NLGN4X: variants seen among roughly 807,000 people sequenced by gnomAD.
NLGN4X encodes neuroligin-4, X-linked.
A neutral mutation model predicts 40.3 loss-of-function variants in NLGN4X; 3 were observed. The ratio of observed to expected loss-of-function variants is 0.07; its 90% CI spans 0.03 to 0.19. NLGN4X has a LOEUF of 0.19. NLGN4X is among the 10% of genes least tolerant of loss of function. NLGN4X has a pLI of 1.00. For synonymous variants in NLGN4X, 270 were observed against 306.8 expected, an observed-to-expected ratio of 0.88 and a Z score of 1.25; for missense variants, 382 against 708.3, an observed-to-expected ratio of 0.54 and a Z score of 5.23.
At chrX:6,222,669 C>A (rs1160253931) in intron 1 of NLGN4X, among the ~76,000 whole-genome samples, 2 of 112,564 alleles carry the variant, frequency 1.8e-5, no homozygotes, top group Non-Finnish European at 3.8e-5. Flanking sequence ...AATAAAACCT[C>A]ATGATATGGT....
chrX:5,912,281 C>T (rs188810402), intron 3 of NLGN4X, among the ~76,000 whole-genome samples: 2 of 111,112 alleles, frequency 1.8e-5, no homozygotes, highest in East Asian at 2.9e-4. Context: ...CTCTGTGTCC[C>T]CACATAGAGG....
chrX:6,065,791 C>T (rs2037898419), intron 2 of NLGN4X, among the ~76,000 whole-genome samples: 1 of 111,151 alleles, frequency 9.0e-6, no homozygotes, highest in Non-Finnish European at 1.9e-5. Context: ...TTATTTGGTG[C>T]CTAAATTTTC....
intron 2 of NLGN4X, among the ~76,000 whole-genome samples, chrX:6,036,130 A>G (rs1399442994): frequency 9.0e-6 from 1 of 111,699 alleles, no homozygotes; most frequent in African/African-American, 3.3e-5. Flanking sequence ...GTTGCCTGCT[A>G]TCTTGATTAC....
chrX:6,015,914 A>T (rs1324372702), intron 3 of NLGN4X, among the ~76,000 whole-genome samples: 3 of 112,008 alleles, frequency 2.7e-5, no homozygotes, highest in Non-Finnish European at 5.6e-5. Context: ...TGTTTTCAGA[A>T]ACATGAGTAA....
At chrX:6,033,970 G>C (rs913489148) in intron 2 of NLGN4X, among the ~76,000 whole-genome samples, 1 of 112,420 alleles carries the variant, frequency 8.9e-6, no homozygotes, top group Non-Finnish European at 1.9e-5. Flanking sequence ...AAGGCAAAGG[G>C]AAAATACTGT....
chrX:5,894,216 C>A (rs1231937374), intron 5 of NLGN4X, among the ~76,000 whole-genome samples: 3 of 112,184 alleles, frequency 2.7e-5, no homozygotes, highest in Non-Finnish European at 5.6e-5. Flanking sequence ...CAAATGTTAA[C>A]AGTACTGAGG....
At chrX:6,043,829 G>A (rs2037241314) in intron 2 of NLGN4X, among the ~76,000 whole-genome samples, 1 of 111,362 alleles carries the variant, frequency 9.0e-6, no homozygotes, top group South Asian at 3.7e-4. Flanking sequence ...TCAATTAAGA[G>A]CCCTAAAATA....
chrX:6,151,091 T>C lies in NLGN4X; in HGVS notation c.376A>G (p.Ile126Val). ...GTATCCAAATTGGCGGTAAACCAGA[T>C]GGGCAGCATGTCATGCAGTAAGGAT... Reference protein sequence around the residue: ...ERSLLHDMLPIWFTANLDTLM... With the variant: ...ERSLLHDMLPVWFTANLDTLM... The change falls in exon 2 of 6, where the codon ATC becomes GTC. Residue 126 changes from isoleucine (I) to valine (V), a missense_variant. Coordinates refer to ENST00000381095, the MANE Select transcript of NLGN4X (RefSeq NM_181332.3). 1 of 1,211,545 alleles carries C rather than the reference T, an allele frequency of 8.3e-7. No homozygotes were observed. The highest frequency in any genetic ancestry group is 1.1e-6 in the Non-Finnish European group (1 of 895,346).
intron 1 of NLGN4X, among the ~76,000 whole-genome samples, chrX:6,165,236 T>C (rs370052479): frequency 7.2e-5 from 8 of 111,820 alleles, no homozygotes; most frequent in South Asian, 7.6e-4. Flanking sequence ...ATCCAGCATA[T>C]AGACAACAGG....
intron 2 of NLGN4X, among the ~76,000 whole-genome samples, chrX:6,079,064 T>C (rs1411890743): frequency 1.9e-5 from 2 of 107,281 alleles, no homozygotes; most frequent in Non-Finnish European, 3.9e-5. Flanking sequence ...TCCTGAGGCC[T>C]TCCCAGCTAT....
At chrX:5,926,942 A>T (rs1465394378) in intron 3 of NLGN4X, among the ~76,000 whole-genome samples, 1 of 95,656 alleles carries the variant, frequency 1.0e-5, no homozygotes, top group Non-Finnish European at 2.1e-5. Flanking sequence ...TCTTCTATCT[A>T]TCTATCTATC....
At chrX:5,964,376 A>G (rs1301000038) in intron 3 of NLGN4X, among the ~76,000 whole-genome samples, 1 of 112,445 alleles carries the variant, frequency 8.9e-6, no homozygotes, top group Non-Finnish European at 1.9e-5. Flanking sequence ...AGTATTCTAA[A>G]AAAAGATTAC....
chrX:6,078,877 G>T (rs1451362800), intron 2 of NLGN4X, among the ~76,000 whole-genome samples: 2 of 111,107 alleles, frequency 1.8e-5, no homozygotes, highest in African/African-American at 3.3e-5. Flanking sequence ...CTCATGGGGG[G>T]TGATTAGATC....
At chrX:5,954,330 C>G (rs139767977) in intron 3 of NLGN4X, among the ~76,000 whole-genome samples, 3,219 of 107,630 alleles carry the variant, frequency 0.03, 140 homozygotes, top group African/African-American at 0.1. Flanking sequence ...ACTCAATGAT[C>G]CTCCAGCCTC....
chrX:5,991,700 C>T (rs1193370446), intron 3 of NLGN4X, among the ~76,000 whole-genome samples: 2 of 111,913 alleles, frequency 1.8e-5, no homozygotes, highest in African/African-American at 3.2e-5. Flanking sequence ...ATTTAAACAC[C>T]ACATAGGCAG....
chrX:6,172,458 A>G (rs1329668304), intron 1 of NLGN4X, among the ~76,000 whole-genome samples: 2 of 111,746 alleles, frequency 1.8e-5, no homozygotes, highest in Non-Finnish European at 3.8e-5. Context: ...TCTCTCATTA[A>G]AGTTTTGTCC....
intron 3 of NLGN4X, among the ~76,000 whole-genome samples, chrX:5,983,168 A>AT (rs927771115): frequency 8.9e-6 from 1 of 112,099 alleles, no homozygotes; most frequent in Admixed American, 9.4e-5. Context: ...GTCTACCTTC[A>AT]TAACATCTAT....
intron 4 of NLGN4X, among the ~76,000 whole-genome samples, chrX:5,904,627 T>A (rs1343585507): frequency 8.9e-6 from 1 of 112,124 alleles, no homozygotes; most frequent in Non-Finnish European, 1.9e-5. Flanking sequence ...AGGAGTAAAA[T>A]TCTGTGTAGC....
At chrX:6,160,321 C>T (rs1166852777) in intron 1 of NLGN4X, among the ~76,000 whole-genome samples, 2 of 110,806 alleles carry the variant, frequency 1.8e-5, no homozygotes, top group African/African-American at 6.6e-5. Flanking sequence ...CACCAGATAA[C>T]CTTTATTAGC....
Sources: allele counts gnomAD v4.1 joint callset (sites outside exome capture counted in the v4.1 genomes callset), GRCh38; gene constraint gnomAD v4.1.1; transcripts MANE v1.5; gene names NCBI Gene and HGNC (gene_info 2026-07-23, HGNC 2026-07-21).